The following CDK19 variants were observed in gnomAD, a reference collection of about 807,000 sequenced individuals.
CDK19 encodes cyclin-dependent kinase 19.
Under a neutral mutation model 68.3 loss-of-function variants are expected in CDK19, and 20 were observed. That is an observed-to-expected ratio of 0.29 (90% CI 0.21 to 0.43). CDK19 has a LOEUF of 0.43. Ranked by LOEUF, CDK19 falls within the 20% of genes least tolerant of loss-of-function variation. The pLI is 1.00. For synonymous variants in CDK19, 221 were observed against 222.8 expected, an observed-to-expected ratio of 0.99 and a Z score of 0.07; for missense variants, 339 against 623.5, an observed-to-expected ratio of 0.54 and a Z score of 4.86.
At chr6:110,696,992 G>C (rs1323086739) in intron 2 of CDK19, among the ~76,000 whole-genome samples, 2 of 151,852 alleles carry the variant, frequency 1.3e-5, no homozygotes, top group Admixed American at 6.6e-5. Flanking sequence ...CCAGGAGGTG[G>C]AGGTTGCAGT....
At chr6:110,677,973 A>G (rs1771674101) in intron 2 of CDK19, among the ~76,000 whole-genome samples, 1 of 152,120 alleles carries the variant, frequency 6.6e-6, no homozygotes, top group Non-Finnish European at 1.5e-5. Context: ...CCTTAGCTTC[A>G]GTAGCTGAGA....
chr6:110,653,087 T>C (rs1781076748), intron 4 of CDK19, among the ~76,000 whole-genome samples: 1 of 152,194 alleles, frequency 6.6e-6, no homozygotes, highest in African/African-American at 2.4e-5. Context: ...AAATAAATGT[T>C]AAGGTCTCAA....
intron 1 of CDK19, among the ~76,000 whole-genome samples, chr6:110,774,194 C>G (rs747332173): frequency 2.6e-5 from 4 of 152,144 alleles, no homozygotes; most frequent in Non-Finnish European, 4.4e-5. Context: ...CCAATTTATA[C>G]TATTGGAAAA....
chr6:110,787,372 T>TAAAAA (rs112341176), intron 1 of CDK19, among the ~76,000 whole-genome samples: 2 of 151,628 alleles, frequency 1.3e-5, no homozygotes, highest in South Asian at 2.1e-4. Flanking sequence ...AGGCTCTGTC[T>TAAAAA]AAAACAAACA....
intron 2 of CDK19, among the ~76,000 whole-genome samples, chr6:110,679,368 T>C (rs1407156175): frequency 6.7e-6 from 1 of 150,054 alleles, no homozygotes; most frequent in East Asian, 1.9e-4. Flanking sequence ...ATCCCAGCAC[T>C]TGGGGAGGCC....
At chr6:110,814,230 G>C in intron 1 of CDK19, 2 of 274,946 alleles carry the variant, frequency 7.3e-6, no homozygotes, top group Admixed American at 5.2e-5. Flanking sequence ...AGAGGATGGA[G>C]TGGAGGACAT....
intron 1 of CDK19, among the ~76,000 whole-genome samples, chr6:110,772,403 G>A (rs148691723): frequency 0.014 from 2,069 of 151,986 alleles, 60 homozygotes; most frequent in African/African-American, 0.047. Context: ...ATCTCCCACC[G>A]AGTCCCTCCC....
At chr6:110,783,898 G>A (rs1464036839) in intron 1 of CDK19, among the ~76,000 whole-genome samples, 12 of 151,862 alleles carry the variant, frequency 7.9e-5, no homozygotes, top group African/African-American at 2.7e-4. Context: ...GGTGGCTCAC[G>A]CCTGTTATCC....
chr6:110,791,540 T>G (rs9481111), intron 1 of CDK19, among the ~76,000 whole-genome samples: 5,458 of 152,222 alleles, frequency 0.036, 439 homozygotes, highest in East Asian at 0.36. Context: ...TAGAATATGA[T>G]TGCATTTTGG....
At chr6:110,782,039 C>T (rs141451057) in intron 1 of CDK19, among the ~76,000 whole-genome samples, 367 of 152,164 alleles carry the variant, frequency 2.4e-3, no homozygotes, top group Non-Finnish European at 3.5e-3. Context: ...AGCAACTTCT[C>T]AAAGAAATCT....
intron 1 of CDK19, among the ~76,000 whole-genome samples, chr6:110,755,446 G>T (rs1302966526): frequency 2.0e-5 from 3 of 152,270 alleles, no homozygotes; most frequent in South Asian, 4.1e-4. Context: ...GAATAGAAGG[G>T]CTTGGTTGTG....
intron 3 of CDK19, among the ~76,000 whole-genome samples, chr6:110,668,255 C>T (rs373005723): frequency 6.6e-6 from 1 of 152,166 alleles, no homozygotes; most frequent in Non-Finnish European, 1.5e-5. Context: ...CTACCCCACC[C>T]CTGCCTCTGT....
intron 1 of CDK19, among the ~76,000 whole-genome samples, chr6:110,778,027 T>C (rs1339954578): frequency 2.6e-5 from 4 of 152,136 alleles, no homozygotes; most frequent in Non-Finnish European, 5.9e-5. Flanking sequence ...GTTTCAGATT[T>C]GTAAGATGAA....
chr6:110,657,700 T>C (rs1434882836), intron 4 of CDK19, among the ~76,000 whole-genome samples: 1 of 152,172 alleles, frequency 6.6e-6, no homozygotes, highest in African/African-American at 2.4e-5. Flanking sequence ...TTGAAGTTAG[T>C]TTGGTAAATA....
intron 4 of CDK19, among the ~76,000 whole-genome samples, chr6:110,641,509 C>T (rs542799659): frequency 4.7e-5 from 7 of 150,008 alleles, no homozygotes; most frequent in Non-Finnish European, 4.4e-5. Context: ...AGGCAGGAAT[C>T]GCTTGAACCC....
At chr6:110,783,207 C>A (rs116809978) in intron 1 of CDK19, among the ~76,000 whole-genome samples, 2,116 of 152,212 alleles carry the variant, frequency 0.014, 50 homozygotes, top group African/African-American at 0.049. Context: ...TGGGTAGGGG[C>A]AGGAACAGCA....
chr6:110,785,792 C>G lies in CDK19; in HGVS notation c.128+29217G>C, dbSNP rs964051436. Among the ~76,000 whole-genome samples, 14 of 152,074 alleles carry G rather than the reference C, an allele frequency of 9.2e-5. 1 individual carries two copies. The highest frequency in any genetic ancestry group is 3.4e-4 in the African/African-American group (14 of 41,404). ...GTTTGGGAGTTGGCGACCAGCCTGA[C>G]CAACATAGAGAAAACTCGTCTCTAC... On this transcript the variant is annotated intron_variant, in intron 1 of 12. Coordinates refer to ENST00000368911, the MANE Select transcript of CDK19 (RefSeq NM_015076.5).
chr6:110,624,592 T>C (rs1159436561), intron 8 of CDK19, among the ~76,000 whole-genome samples: 1 of 152,192 alleles, frequency 6.6e-6, no homozygotes, highest in Non-Finnish European at 1.5e-5. Context: ...AACACAGGAA[T>C]TTTTGCTTTG....
chr6:110,653,861 T>C (rs1277346478), intron 4 of CDK19, among the ~76,000 whole-genome samples: 1 of 152,212 alleles, frequency 6.6e-6, no homozygotes, highest in Non-Finnish European at 1.5e-5. Flanking sequence ...GGGTTAAATA[T>C]ATTTCAGTTA....
Sources: gnomAD v4.1 joint callset for allele counts (sites outside exome capture counted in the v4.1 genomes callset) on GRCh38, gnomAD v4.1.1 for gene constraint, MANE v1.5 for transcripts, NCBI Gene and HGNC (gene_info 2026-07-23, HGNC 2026-07-21) for gene names.